The following CSTF3 variants were observed in gnomAD, a reference collection of about 807,000 sequenced individuals.
CSTF3 encodes the protein CF-1 77 kDa subunit.
CSTF3 carries 29 observed loss-of-function variants against 105.8 expected under a neutral mutation model. The ratio of observed to expected loss-of-function variants is 0.27; its 90% CI spans 0.20 to 0.37. The LOEUF is 0.37. Ranked by LOEUF, CSTF3 falls within the 10% of genes least tolerant of loss-of-function variation. CSTF3 has a pLI of 1.00. For missense variants in CSTF3, 357 were observed against 879.3 expected, an observed-to-expected ratio of 0.41 and a Z score of 7.51; for synonymous variants, 252 against 281.9, an observed-to-expected ratio of 0.89 and a Z score of 1.06.
chr11:33,085,417 A>G, intron 20 of CSTF3, 128 bp from the exon 21 acceptor site: 1 of 778,222 alleles, frequency 1.3e-6, no homozygotes, highest in Non-Finnish European at 1.9e-6. Flanking sequence ...ACTGATACTA[A>G]ATAATTAAAG....
intron 1 of CSTF3, among the ~76,000 whole-genome samples, chr11:33,143,141 T>C (rs1395985052): frequency 6.6e-6 from 1 of 152,204 alleles, no homozygotes; most frequent in Non-Finnish European, 1.5e-5. Context: ...CAATTGTATG[T>C]ACAATACAAT....
At chr11:33,092,387 T>C (rs1313908097) in intron 15 of CSTF3, 47 bp from the exon 16 acceptor site, 3 of 1,274,688 alleles carry the variant, frequency 2.4e-6, no homozygotes, top group Admixed American at 2.3e-5. Flanking sequence ...ACTTTTACGA[T>C]GCAACAATAT....
chr11:33,098,744 C>T lies in CSTF3; in HGVS notation c.1074G>A (p.Lys358=). 6.5e-7 allele frequency: 1 copy of T among 1,543,104 alleles called. No homozygotes were observed. Among genetic ancestry groups the T allele is most frequent in the Non-Finnish European group, 8.7e-7 (1 of 1,154,756 alleles). ...GAAGTCTGTTATATATACTGTGAACCTTTTCATACTTCATGCGACTCTAAG... is the reference window on the plus strand; with the variant it reads ...GAAGTCTGTTATATATACTGTGAACTTTTTCATACTTCATGCGACTCTAAG... ...DYEESRMKYE[K]VHSIYNRLLA... is the part of the protein sequence containing the mutation. The change falls in exon 13 of 21, where the codon AAG becomes AAA. Residue 358 remains lysine (K), a synonymous_variant. Coordinates refer to ENST00000323959, the MANE Select transcript of CSTF3 (RefSeq NM_001326.3).
intron 1 of CSTF3, among the ~76,000 whole-genome samples, chr11:33,159,556 A>G (rs1411636640): frequency 7.6e-6 from 1 of 131,238 alleles, no homozygotes; most frequent in Non-Finnish European, 1.5e-5. Context: ...AAATCGCGCC[A>G]CTGCACTCCA....
At chr11:33,092,212 C>G in intron 16 of CSTF3, 59 bp downstream of exon 16, 1 of 1,226,122 alleles carries the variant, frequency 8.2e-7, no homozygotes, top group Non-Finnish European at 1.1e-6. Flanking sequence ...CCATAGACCA[C>G]AATTCAGGTA....
chr11:33,159,237 C>T (rs1358473634), intron 1 of CSTF3, among the ~76,000 whole-genome samples: 1 of 151,954 alleles, frequency 6.6e-6, no homozygotes, highest in African/African-American at 2.4e-5. Context: ...GTGGGTGAAT[C>T]GCTTGAGCCC....
chr11:33,150,409 C>A (rs887419442), intron 1 of CSTF3, among the ~76,000 whole-genome samples: 1 of 152,054 alleles, frequency 6.6e-6, no homozygotes, highest in Non-Finnish European at 1.5e-5. Context: ...ATCCTAATAT[C>A]ATTTTTCAGG....
chr11:33,147,967 A>C (rs2133804013), intron 1 of CSTF3, among the ~76,000 whole-genome samples: 1 of 152,350 alleles, frequency 6.6e-6, no homozygotes, highest in African/African-American at 2.4e-5. Flanking sequence ...AAGCAGAATC[A>C]CTGCCAAGGT....
intron 1 of CSTF3, among the ~76,000 whole-genome samples, chr11:33,144,616 G>A (rs768770346): frequency 2.0e-5 from 3 of 152,120 alleles, no homozygotes; most frequent in Non-Finnish European, 4.4e-5. Context: ...TACTCTTTCT[G>A]CCCAAATAAA....
chr11:33,091,995 A>G (rs1158871234), intron 16 of CSTF3, among the ~76,000 whole-genome samples: 2 of 152,194 alleles, frequency 1.3e-5, no homozygotes, highest in Non-Finnish European at 2.9e-5. Context: ...GATTACAGAC[A>G]TGAGCCACAA....
At chr11:33,117,324 G>A (rs994200225) in intron 3 of CSTF3, among the ~76,000 whole-genome samples, 6 of 151,828 alleles carry the variant, frequency 4.0e-5, no homozygotes, top group Non-Finnish European at 1.5e-5. Flanking sequence ...AAAGGGATCT[G>A]GTGGAATATG....
At chr11:33,093,789 C>G (rs969425364) in intron 15 of CSTF3, among the ~76,000 whole-genome samples, 5 of 152,124 alleles carry the variant, frequency 3.3e-5, no homozygotes, top group Admixed American at 6.5e-5. Context: ...CTCACTGCAA[C>G]GTCTGTCTCC....
At chr11:33,097,129 T>A in intron 13 of CSTF3, 151 bp from the exon 14 acceptor site, 1 of 545,876 alleles carries the variant, frequency 1.8e-6, no homozygotes, top group Non-Finnish European at 3.1e-6. Flanking sequence ...GTATTAGAGA[T>A]GCATGCAAAT....
chr11:33,101,078 G>C (rs1374165831), intron 10 of CSTF3, among the ~76,000 whole-genome samples: 1 of 152,176 alleles, frequency 6.6e-6, no homozygotes, highest in Non-Finnish European at 1.5e-5. Flanking sequence ...ACAACACTAG[G>C]TGAGATCCAT....
intron 3 of CSTF3, among the ~76,000 whole-genome samples, chr11:33,130,199 A>G (rs934409579): frequency 6.6e-6 from 1 of 152,202 alleles, no homozygotes; most frequent in Non-Finnish European, 1.5e-5. Flanking sequence ...CAGGCTGGGC[A>G]TGGTGGCTCA....
intron 3 of CSTF3, among the ~76,000 whole-genome samples, chr11:33,126,114 A>T (rs564326986): frequency 1.3e-5 from 2 of 152,308 alleles, no homozygotes; most frequent in East Asian, 1.9e-4. Context: ...CTAAAATCCA[A>T]TGTTCACTGA....
chr11:33,120,251 A>G (rs1477346087), intron 3 of CSTF3, among the ~76,000 whole-genome samples: 1 of 151,786 alleles, frequency 6.6e-6, no homozygotes, highest in Non-Finnish European at 1.5e-5. Context: ...ACTAAATAAC[A>G]CAAAAATATG....
At chr11:33,133,360 A>G (rs1265463488) in intron 3 of CSTF3, among the ~76,000 whole-genome samples, 1 of 152,204 alleles carries the variant, frequency 6.6e-6, no homozygotes, top group African/African-American at 2.4e-5. Context: ...TATTTTTTCT[A>G]TTAATTATCA....
intron 1 of CSTF3, among the ~76,000 whole-genome samples, chr11:33,146,703 TAC>T (rs1186073210): frequency 2.0e-5 from 3 of 150,750 alleles, no homozygotes; most frequent in Non-Finnish European, 4.4e-5. Flanking sequence ...AAACAACACA[TAC>T]ACTTACTCTG....
Sources: allele counts gnomAD v4.1 joint callset (sites outside exome capture counted in the v4.1 genomes callset), GRCh38; gene constraint gnomAD v4.1.1; transcripts MANE v1.5; gene names NCBI Gene and HGNC (gene_info 2026-07-23, HGNC 2026-07-21).